ZNF287: variants seen among roughly 807,000 people sequenced by gnomAD.
ZNF287 encodes zinc finger protein 287.
In ZNF287, 31 loss-of-function variants were observed where a neutral mutation model predicts 73.7. The observed-to-expected ratio is 0.42, with a 90% confidence interval of 0.32 to 0.57. The LOEUF (loss-of-function observed/expected upper bound fraction) is 0.57. Among genes scored for constraint, ZNF287 ranks in the 20% least tolerant of loss-of-function variants. The pLI is 0.13. For missense variants in ZNF287, 641 were observed against 909.3 expected (o/e 0.70, Z 3.79); for synonymous variants, 301 against 307.2 (o/e 0.98, Z 0.21).
intron 5 of ZNF287, among the ~76,000 whole-genome samples, chr17:16,556,165 G>GACACACACACACACACAC (rs137989045): frequency 0.02 from 2,857 of 144,260 alleles, 85 homozygotes; most frequent in African/African-American, 0.065. Flanking sequence ...GACAGACACA[G>GACACACACACACACACAC]ACACACACAC....
chr17:16,567,059 C>T (rs1295841803), intron 2 of ZNF287, among the ~76,000 whole-genome samples: 1 of 152,106 alleles, frequency 6.6e-6, no homozygotes, highest in African/African-American at 2.4e-5. Context: ...TGCGTCTGGT[C>T]ATTATTTCAA....
rs115655788 is a variant in ZNF287, at chr17:16,563,390, C to T, written c.629-158G>A. ...GAGAATTAGGCTGTTGATTGTTATC[C>T]TTTCAGAGACAGGATAACAATTTCC... On this transcript the variant is annotated intron_variant, in intron 4 of 5. Coordinates refer to ENST00000395825, the MANE Select transcript of ZNF287 (RefSeq NM_020653.4). The T allele has an allele frequency of 9.3e-4, 557 of 602,074 alleles. 5 individuals are homozygous for T. The African/African-American group carries it at 9.8e-3, about 11-fold the overall frequency. 37.3% of individuals were successfully genotyped at this position (602,074 alleles called of 1,614,324 possible).
At position 16,563,808 on chromosome 17, in the gene ZNF287, T is replaced by A; in HGVS notation, c.519A>T (p.Lys173Asn). 6.8e-6 allele frequency: 11 copies of A among 1,613,524 alleles called. No homozygotes were observed. The highest frequency in any genetic ancestry group is 7.6e-6 in the Non-Finnish European group (9 of 1,179,720). The change falls in exon 4 of 6, where the codon AAA becomes AAT. Residue 173 changes from lysine (K) to asparagine (N), a missense_variant. Lys to Asn is a moderately conservative substitution (Grantham distance 94, BLOSUM62 0). Around this residue, in one of 2 missense-constraint regions of ZNF287, gnomAD observed 357 missense variants for 442.4 expected, o/e 0.81. Transcript: ENST00000395825. ...DLVTKESMTF[K>N]DVAVDITQED... ...CCTGGGTGATGTCTACAGCCACATC[T>A]TTGAATGTCATCGATTCCTAAAATA...
chr17:16,560,569 T>C (rs111581190), intron 5 of ZNF287, among the ~76,000 whole-genome samples: 26,080 of 150,804 alleles, frequency 0.17, 3,570 homozygotes, highest in African/African-American at 0.37. Context: ...AGGCTGGTCT[T>C]GAACTCCTGA....
In ZNF287 at chr17:16,563,234, T is replaced by C; in HGVS notation, c.629-2A>G. On this transcript the variant is annotated splice_acceptor_variant, in intron 4 of 5. Coordinates refer to ENST00000395825, the MANE Select transcript of ZNF287 (RefSeq NM_020653.4). LOFTEE classifies it high-confidence loss of function. ...CAGTTGGTCTGTACACTGTAAGTCC[T>C]GTTCAGGAGGAATATAAAGAATTTT... The C allele has an allele frequency of 6.3e-7, 1 of 1,599,696 alleles. No individual in the cohort carries two copies. The highest frequency in any genetic ancestry group is 8.5e-7 in the Non-Finnish European group (1 of 1,173,828).
rs536097428 is a variant in ZNF287 at position 16,548,758 on chromosome 17, C to A, written c.*3098G>T. 6.6e-6 allele frequency among the ~76,000 whole-genome samples: 1 copy of A among 152,220 alleles called. No individual in the cohort carries two copies. Among genetic ancestry groups the A allele is most frequent in the African/African-American group, 2.4e-5 (1 of 41,528 alleles). Reference sequence around the variant, plus strand: ...GACCTTGCAGTGAGCCGAGATTGCACCACTGCACTCTGGCCTGGGTGACAG... The same window carrying A: ...GACCTTGCAGTGAGCCGAGATTGCAACACTGCACTCTGGCCTGGGTGACAG... On this transcript the variant is annotated 3_prime_UTR_variant, in exon 6 of 6. Transcript: ENST00000395825.
chr17:16,559,941 CAT>C (rs141118395), intron 5 of ZNF287, among the ~76,000 whole-genome samples: 9 of 150,330 alleles, frequency 6.0e-5, no homozygotes, highest in East Asian at 3.9e-4. Flanking sequence ...CATACACATC[CAT>C]ATATATATAT....
intron 3 of ZNF287, among the ~76,000 whole-genome samples, chr17:16,565,609 A>G (rs77936834): frequency 0.08 from 12,119 of 152,142 alleles, 1,645 homozygotes; most frequent in African/African-American, 0.28. Context: ...GGTTACCAAA[A>G]GCTTTCCAAT....
At position 16,553,415 on chromosome 17, in the gene ZNF287, T is replaced by C; in HGVS notation, c.727A>G (p.Lys243Glu). 1 of 1,495,872 alleles carries C rather than the reference T, an allele frequency of 6.7e-7. No homozygotes were observed. The highest frequency in any genetic ancestry group is 1.4e-5 in the South Asian group (1 of 70,094). The allele number at this position is 1,495,872 out of a possible 1,614,324, so 92.7% of individuals were successfully genotyped here. A position where few individuals can be genotyped will look rare whatever the true frequency, so the allele number is the denominator to read the frequency against. The change falls in exon 6 of 6, where the codon AAA becomes GAA. Residue 243 changes from lysine to glutamate, a missense_variant. Coordinates refer to ENST00000395825, the MANE Select transcript of ZNF287 (RefSeq NM_020653.4). Reference protein sequence around the residue: ...LEGPSPEWETKAQACTPVEDM... With the variant: ...LEGPSPEWETEAQACTPVEDM... ...TCCACTGGAGTACATGCTTGGGCTT[T>C]AGTTTCCCATTCTGAAATAAAAAAT...
rs1907754125 is a variant in ZNF287 at position 16,566,568 on chromosome 17, TTTCCTCTGGGGTC to T, written c.445_457del (p.Asp149AsnfsTer9). The T allele has an allele frequency of 6.2e-7, 1 of 1,613,332 alleles. No individual in the cohort carries two copies. Among genetic ancestry groups the T allele is most frequent in the African/African-American group, 1.3e-5 (1 of 74,902 alleles). Reference sequence around the variant, plus strand: ...TAGCCATCCTGTCTGGAAAGCATGTTTTCCTCTGGGGTCTTCCTCTGGGGTATCTTGGGAAAGG... The same window carrying T: ...TAGCCATCCTGTCTGGAAAGCATGTTTTCCTCTGGGGTATCTTGGGAAAGG... On this transcript the variant is annotated frameshift_variant, in exon 3 of 6. Coordinates refer to ENST00000395825, the MANE Select transcript of ZNF287 (RefSeq NM_020653.4). LOFTEE classifies it high-confidence loss of function.
chr17:16,556,327 A>G (rs1017101710), intron 5 of ZNF287, among the ~76,000 whole-genome samples: 10 of 152,174 alleles, frequency 6.6e-5, no homozygotes, highest in African/African-American at 2.4e-4. Flanking sequence ...TACCTAAGAA[A>G]ATGTTTAGGA....
rs897036095 is a variant in ZNF287 at position 16,552,367 on chromosome 17, T to C, written c.1775A>G (p.Tyr592Cys). Residue 592 changes from tyrosine to cysteine, a missense_variant, in exon 6 of 6, where the codon TAT becomes TGT. Around this residue, in one of 2 missense-constraint regions of ZNF287, gnomAD observed 284 missense variants for 466.8 expected, o/e 0.61. Coordinates refer to ENST00000395825, the MANE Select transcript of ZNF287 (RefSeq NM_020653.4). This position sits in a 1 kb window ranked among gnomAD's most constrained non-coding sequence, Gnocchi z 6.5. ...HQTTHTGEKS[Y>C]ICNICGKAFS... ...GGCTTTCCCACATATATTACATATA[T>C]AGGATTTCTCTCCAGTGTGAGTGGT... The C allele has an allele frequency of 1.9e-6, 3 of 1,613,922 alleles. No individual in the cohort carries two copies. The highest frequency in any genetic ancestry group is 1.3e-5 in the African/African-American group (1 of 74,886).
In ZNF287 at chr17:16,549,540, T is replaced by A. The variant is rs540244148; in HGVS notation, c.*2316A>T. On this transcript the variant is annotated 3_prime_UTR_variant, in exon 6 of 6. Transcript: ENST00000395825. Reference sequence around the variant, plus strand: ...CACAGTTTGAGTATTCTGCAACCTGTACTTTGTGCAGGATGATACTATGAA... The same window carrying A: ...CACAGTTTGAGTATTCTGCAACCTGAACTTTGTGCAGGATGATACTATGAA... 6.6e-6 allele frequency among the ~76,000 whole-genome samples: 1 copy of A among 152,344 alleles called. No individual in the cohort carries two copies. The highest frequency in any genetic ancestry group is 2.1e-4 in the South Asian group (1 of 4,832).
At chr17:16,560,359 T>C (rs1245369051) in intron 5 of ZNF287, among the ~76,000 whole-genome samples, 1 of 134,932 alleles carries the variant, frequency 7.4e-6, no homozygotes, top group Non-Finnish European at 1.6e-5. Flanking sequence ...GAGCTCTTCT[T>C]TTTTTTTTGA....
At chr17:16,560,741 C>T (rs527540164) in intron 5 of ZNF287, among the ~76,000 whole-genome samples, 78 of 152,144 alleles carry the variant, frequency 5.1e-4, no homozygotes, top group African/African-American at 1.8e-3. Context: ...TGGTGGCTCA[C>T]ACCTGTAATC....
At position 16,552,601 on chromosome 17, in the gene ZNF287, C is replaced by T. The variant is rs1440787429; in HGVS notation, c.1541G>A (p.Gly514Glu). 1.9e-6 allele frequency: 3 copies of T among 1,614,060 alleles called. No individual in the cohort carries two copies. Among genetic ancestry groups the T allele is most frequent in the Non-Finnish European group, 2.5e-6 (3 of 1,179,988 alleles). ...GEKPYICNEC[G>E]KTFSQSTHLL... ...GTGTGTACTCTGACTGAAAGTCTTC[C>T]CACATTCATTGCATATATAAGGTTT... Residue 514 changes from glycine to glutamate, a missense_variant, in exon 6 of 6, where the codon GGG (glycine) becomes GAG (glutamate). Physicochemically the swap from Gly to Glu is moderately conservative, Grantham distance 98. Transcript: ENST00000395825. This position sits in a 1 kb window ranked among gnomAD's most constrained non-coding sequence, Gnocchi z 6.5.
Position 16,550,232 on chromosome 17 carries a change from G to A in ZNF287, c.*1624C>T, listed in dbSNP as rs1476756541. 6.6e-6 allele frequency among the ~76,000 whole-genome samples: 1 copy of A among 152,070 alleles called. No homozygotes were observed. Among genetic ancestry groups the A allele is most frequent in the Non-Finnish European group, 1.5e-5 (1 of 67,986 alleles). ...TTCCAATTAAATTTTTTCCTGACAT[G>A]TTAAGAGTAATCTCTGTTTTACTTG... is the stretch of plus-strand genomic sequence containing the variant. On this transcript the variant is annotated 3_prime_UTR_variant, in exon 6 of 6. Transcript: ENST00000395825.
Position 16,560,310 on chromosome 17 carries a change from G to GTATA in ZNF287, c.715+2832_715+2835dup, listed in dbSNP as rs71152817. 6.3e-3 allele frequency among the ~76,000 whole-genome samples: 714 copies of GTATA among 112,834 alleles called. 4 individuals carry two copies. Among genetic ancestry groups the GTATA allele is most frequent in the Middle Eastern group, 0.047 (11 of 236 alleles). 74.0% of individuals were successfully genotyped at this position (112,834 alleles called of 152,430 possible). ...AAAATTTCCATTAGTCAACAGTGGT[G>GTATA]TATATATATATATATATATATATGG... On this transcript the variant is annotated intron_variant, in intron 5 of 5. Transcript: ENST00000395825.
chr17:16,560,691 A>G (rs2142487451), intron 5 of ZNF287, among the ~76,000 whole-genome samples: 1 of 152,168 alleles, frequency 6.6e-6, no homozygotes, highest in South Asian at 2.1e-4. Context: ...ATCATTTAGA[A>G]AAGATGACTG....
Sources: allele counts gnomAD v4.1 joint callset (sites outside exome capture counted in the v4.1 genomes callset), GRCh38; gene constraint gnomAD v4.1.1; regional missense constraint gnomAD v4.1.1; non-coding constraint Gnocchi (gnomAD v3.1); transcripts MANE v1.5; gene names NCBI Gene and HGNC (gene_info 2026-07-23, HGNC 2026-07-21).